Variants in MARS1 observed in about 807,000 individuals in gnomAD.
MARS1 encodes methionine--tRNA ligase, cytoplasmic.
In MARS1, 80 loss-of-function variants were observed where a neutral mutation model predicts 119.5. The observed-to-expected ratio is 0.67, with a 90% CI of 0.56 to 0.81. The LOEUF (loss-of-function observed/expected upper bound fraction) is 0.81, where lower values mean the gene tolerates loss of function less well. MARS1 is among the 30% of genes least tolerant of loss of function. The probability of loss-of-function intolerance (pLI) is 0.00; values close to 1 mark genes in which losing one functional copy is unlikely to be tolerated. For missense variants in MARS1, 945 were observed against 1,116.5 expected (o/e 0.85, Z 2.19); for synonymous variants, 418 against 433.4 (o/e 0.96, Z 0.44).
At chr12:57,494,462 G>C (rs906531918) in intron 7 of MARS1, among the ~76,000 whole-genome samples, 1 of 148,424 alleles carries the variant, frequency 6.7e-6, no homozygotes, top group African/African-American at 2.5e-5. Context: ...TGAGTAGCTG[G>C]GATTACAGGT....
intron 4 of MARS1, 80 bp downstream of exon 4, chr12:57,489,638 G>A (rs1194182297): frequency 5.7e-6 from 9 of 1,571,232 alleles, no homozygotes; most frequent in South Asian, 2.3e-5. Flanking sequence ...CAGAGTGTTC[G>A]AACCCAACAC....
At chr12:57,504,798 G>GGTTCAA (rs1467090178) in intron 11 of MARS1, among the ~76,000 whole-genome samples, 13 of 150,516 alleles carry the variant, frequency 8.6e-5, no homozygotes, top group Non-Finnish European at 1.6e-4. Flanking sequence ...TCGCCTCCTG[G>GGTTCAA]GTTCAAGTGA....
intron 18 of MARS1, chr12:57,515,619 G>A (rs924174041): frequency 1.8e-6 from 1 of 560,784 alleles, no homozygotes; most frequent in Admixed American, 3.4e-5. Context: ...CAGATAGTGG[G>A]CAGGGAAAAT....
Position 57,489,470 on chromosome 12 carries a change from AG to A in MARS1, c.331del (p.Glu111LysfsTer11). 1.9e-6 allele frequency: 3 copies of A among 1,614,170 alleles called. No homozygotes were observed. Among genetic ancestry groups the A allele is most frequent in the Non-Finnish European group, 1.7e-6 (2 of 1,180,036 alleles). Reference protein sequence around the residue: ...ALYYLVVQGKKGEDVLGSVRR... With the variant: ...ALYYLVVQGKXGEDVLGSVRR... ...TACTATTTAGTGGTCCAAGGCAAGAAGGGGGAAGATGTTCTTGGTTCAGTGC... is the reference window on the plus strand; with the variant it reads ...TACTATTTAGTGGTCCAAGGCAAGAAGGGGAAGATGTTCTTGGTTCAGTGC... On this transcript the variant is annotated frameshift_variant, in exon 4 of 21. Coordinates refer to ENST00000262027, the MANE Select transcript of MARS1 (RefSeq NM_004990.4). LOFTEE classifies it high-confidence loss of function.
chr12:57,514,509 G>C (rs1325379133), intron 15 of MARS1, among the ~76,000 whole-genome samples: 1 of 152,152 alleles, frequency 6.6e-6, no homozygotes, highest in Non-Finnish European at 1.5e-5. Flanking sequence ...AACTTAATCA[G>C]GTTTCTTATG....
At chr12:57,493,853 T>TA (rs1218615642) in intron 7 of MARS1, among the ~76,000 whole-genome samples, 182 of 5,164 alleles carry the variant, frequency 0.035, 80 homozygotes, top group Non-Finnish European at 0.35. Flanking sequence ...ATATAATATA[T>TA]ATATTTATAT....
chr12:57,495,876 T>C, intron 7 of MARS1, among the ~76,000 whole-genome samples: 1 of 152,102 alleles, frequency 6.6e-6, no homozygotes, highest in African/African-American at 2.4e-5. Flanking sequence ...GGCGCGCGCC[T>C]GCAATCCCAG....
chr12:57,504,878 A>G (rs1877109135), intron 11 of MARS1, among the ~76,000 whole-genome samples: 1 of 151,508 alleles, frequency 6.6e-6, no homozygotes, highest in Admixed American at 6.6e-5. Context: ...TAATTTTTGT[A>G]TTTTTAGTAG....
At chr12:57,504,695 A>T (rs1427835468) in intron 11 of MARS1, among the ~76,000 whole-genome samples, 20 of 83,582 alleles carry the variant, frequency 2.4e-4, no homozygotes, top group Middle Eastern at 0.012. Flanking sequence ...TGCCTGACTG[A>T]TTTTTTTTTT....
intron 7 of MARS1, 75 bp from the exon 8 acceptor site, chr12:57,498,082 G>C (rs1256992055): frequency 2.3e-6 from 2 of 882,756 alleles, no homozygotes; most frequent in Admixed American, 1.8e-5. Flanking sequence ...CTGTGTCCGG[G>C]TGTTCTGTGC....
In MARS1 at chr12:57,501,069, T is replaced by C. The variant is rs11172240; in HGVS notation, c.1293+547T>C. On this transcript the variant is annotated intron_variant, in intron 10 of 20. Transcript: ENST00000262027. ...AACTTAGGTAGATAGGGAAGGCCTT[T>C]CAGAGGCAGTAACATTTGAACTGAG... Among the ~76,000 whole-genome samples the C allele has an allele frequency of 3.3e-5, 5 of 152,312 alleles. No individual in the cohort carries two copies. The East Asian group carries it at 9.6e-4, about 29-fold the overall frequency.
At chr12:57,504,815 T>C (rs1313634415) in intron 11 of MARS1, among the ~76,000 whole-genome samples, 1 of 150,042 alleles carries the variant, frequency 6.7e-6, no homozygotes, top group Admixed American at 6.8e-5. Context: ...GTGATTCTCC[T>C]GCGTCAGCCT....
intron 11 of MARS1, 163 bp from the exon 12 acceptor site, chr12:57,511,535 A>T: frequency 1.5e-6 from 1 of 663,820 alleles, no homozygotes; most frequent in East Asian, 2.7e-5. Flanking sequence ...TGTGATTATG[A>T]TTGCACCACT....
At chr12:57,496,640 G>A (rs1297329732) in intron 7 of MARS1, among the ~76,000 whole-genome samples, 1 of 151,834 alleles carries the variant, frequency 6.6e-6, no homozygotes, top group African/African-American at 2.4e-5. Flanking sequence ...ATCCAGGCAC[G>A]GTGATGCCTG....
At chr12:57,510,008 G>A (rs1174506515) in intron 11 of MARS1, among the ~76,000 whole-genome samples, 1 of 151,876 alleles carries the variant, frequency 6.6e-6, no homozygotes, top group Non-Finnish European at 1.5e-5. Context: ...AGCCAAGTGT[G>A]TTCAAACAAA....
chr12:57,512,606 T>C (rs1877575457), intron 14 of MARS1, 145 bp from the exon 15 acceptor site: 7 of 705,886 alleles, frequency 9.9e-6, no homozygotes, highest in Non-Finnish European at 1.4e-5. Context: ...ACTCCCAAAA[T>C]CTGAGCATAC....
intron 1 of MARS1, chr12:57,488,589 C>G (rs747412580): frequency 1.3e-6 from 2 of 1,551,088 alleles, no homozygotes; most frequent in Non-Finnish European, 1.7e-6. Flanking sequence ...TCCTAACACA[C>G]ACACACGTTC....
chr12:57,492,607 T>TTTGCAGTGAGCGGAGA (rs1288830489), intron 7 of MARS1, among the ~76,000 whole-genome samples: 1 of 148,998 alleles, frequency 6.7e-6, no homozygotes, highest in African/African-American at 2.5e-5. Flanking sequence ...GGAGGCGGAG[T>TTTGCAGTGAGCGGAGA]TTGCAGTGAG....
intron 11 of MARS1, among the ~76,000 whole-genome samples, chr12:57,509,507 A>G (rs1210659639): frequency 6.6e-6 from 1 of 152,122 alleles, no homozygotes; most frequent in Non-Finnish European, 1.5e-5. Context: ...CCAGGATTCA[A>G]GCGATTCTCC....
Sources: allele counts gnomAD v4.1 joint callset (sites outside exome capture counted in the v4.1 genomes callset), GRCh38; gene constraint gnomAD v4.1.1; transcripts MANE v1.5; gene names NCBI Gene and HGNC (gene_info 2026-07-23, HGNC 2026-07-21).